The following TENM1 variants were observed in gnomAD, a reference collection of about 807,000 sequenced individuals.
The protein encoded by TENM1 is teneurin transmembrane protein 1.
A neutral mutation model predicts 174.8 loss-of-function variants in TENM1; 35 were observed. The ratio of observed to expected loss-of-function variants is 0.20; its 90% CI spans 0.15 to 0.27. The LOEUF (loss-of-function observed/expected upper bound fraction) is 0.27. Ranked by LOEUF, TENM1 falls within the 10% of genes least tolerant of loss-of-function variation. The pLI, the probability that TENM1 is intolerant of heterozygous loss-of-function variation, is 1.00. For missense variants in TENM1, 1,633 were observed against 2,130.1 expected, an observed-to-expected ratio of 0.77 and a Z score of 4.59; for synonymous variants, 781 against 798.7, an observed-to-expected ratio of 0.98 and a Z score of 0.37.
chrX:124,713,270 A>G (rs770674414), intron 4 of TENM1, among the ~76,000 whole-genome samples: 2 of 110,667 alleles, frequency 1.8e-5, no homozygotes, highest in Non-Finnish European at 3.8e-5. Flanking sequence ...TTGCAAAAAA[A>G]ATTTTTTTTT....
rs377109395 is a variant in TENM1, at chrX:124,497,000, A to G, written c.3695+16T>C. 517 of 1,204,400 alleles carry G rather than the reference A, an allele frequency of 4.3e-4. No individual in the cohort carries two copies. Among genetic ancestry groups the G allele is most frequent in the Non-Finnish European group, 5.5e-4 (494 of 890,703 alleles). On this transcript the variant is annotated intron_variant, in intron 20 of 31. Coordinates refer to ENST00000422452, the Ensembl canonical transcript of TENM1. ...TTATCTGCTAAGCAAATATATAGAG[A>G]TTAGAGAAGACTTACCTTAATTCCA...
chrX:124,966,203 A>C (rs537586219), upstream of TENM1, among the ~76,000 whole-genome samples: 1 of 111,371 alleles, frequency 9.0e-6, no homozygotes, highest in Admixed American at 9.5e-5. Flanking sequence ...TTTCCTTCTT[A>C]CATTACTGCC....
Position 124,403,534 on chromosome X carries a change from G to GA in TENM1, c.5391+1496dup, listed in dbSNP as rs779561191. 2.1e-3 allele frequency among the ~76,000 whole-genome samples: 188 copies of GA among 88,796 alleles called. 1 individual carries two copies. Among genetic ancestry groups the GA allele is most frequent in the Non-Finnish European group, 2.6e-3 (111 of 43,442 alleles). The allele number at this position is 88,796 out of a possible 115,157, so 77.1% of individuals were successfully genotyped here. ...GACTCTTGTCTCAAAAAAAAAAAAA[G>GA]AAAAAAAAAAGAAAAGTGAGCACTG... On this transcript the variant is annotated intron_variant, in intron 27 of 31. Transcript: ENST00000422452.
chrX:124,382,662 T>TTACTAACC lies in TENM1; in HGVS notation c.7440_7440+7dup. On this transcript the variant is annotated splice_region_variant and intron_variant, in intron 31 of 31. Transcript: ENST00000422452. ...CAGCTAAAAGGAGGTGATAAAACTT[T>TTACTAACC]TACTAACCTTTCCAGGATCCCACTC... 8.3e-7 allele frequency: 1 copy of TTACTAACC among 1,203,108 alleles called. No individual in the cohort carries two copies. The highest frequency in any genetic ancestry group is 1.1e-6 in the Non-Finnish European group (1 of 892,055).
At chrX:124,827,101 A>G (rs949545705) in intron 3 of TENM1, among the ~76,000 whole-genome samples, 1 of 111,523 alleles carries the variant, frequency 9.0e-6, no homozygotes, top group African/African-American at 3.3e-5. Flanking sequence ...CCCAGGCTGG[A>G]GTGCAGTGGC....
intron 11 of TENM1, among the ~76,000 whole-genome samples, chrX:124,589,006 G>T (rs919464000): frequency 9.1e-6 from 1 of 110,276 alleles, no homozygotes; most frequent in Non-Finnish European, 1.9e-5. Flanking sequence ...TCCAGTTTTT[G>T]CCTGTTCAGT....
intron 3 of TENM1, among the ~76,000 whole-genome samples, chrX:124,784,970 T>C (rs1211896333): frequency 3.6e-5 from 4 of 111,747 alleles, no homozygotes; most frequent in Non-Finnish European, 7.5e-5. Flanking sequence ...TTCTGTTATA[T>C]ACCATCAAAA....
intron 14 of TENM1, among the ~76,000 whole-genome samples, chrX:124,549,474 G>A (rs907383435): frequency 1.8e-5 from 2 of 110,908 alleles, no homozygotes; most frequent in East Asian, 2.8e-4. Context: ...ACAAAATTCC[G>A]ACTTATTTTT....
chrX:124,419,460 T>C (rs2060626789), intron 25 of TENM1, among the ~76,000 whole-genome samples: 1 of 111,945 alleles, frequency 8.9e-6, no homozygotes, highest in Admixed American at 9.4e-5. Context: ...ATTCCTTTTG[T>C]GGGGAAAATG....
intron 1 of TENM1, among the ~76,000 whole-genome samples, chrX:124,941,184 A>G (rs766465895): frequency 9.0e-6 from 1 of 111,717 alleles, no homozygotes; most frequent in Admixed American, 9.5e-5. Flanking sequence ...CAACCCACTG[A>G]AATCTTTCTT....
At chrX:124,592,041 T>C (rs1299365278) in intron 11 of TENM1, among the ~76,000 whole-genome samples, 1 of 112,324 alleles carries the variant, frequency 8.9e-6, no homozygotes, top group Admixed American at 9.5e-5. Flanking sequence ...GTATTTGAAT[T>C]TCAACTGTAT....
rs1168878836 is a variant in TENM1 at position 124,499,342 on chromosome X, T to C, written c.3446-2077A>G. On this transcript the variant is annotated intron_variant, in intron 19 of 31. Coordinates refer to ENST00000422452, the Ensembl canonical transcript of TENM1. ...GGTAAAACATGCTATAATACCATGGTGGAATATATGGTTGGAAAGGGCCTT... is the reference window on the plus strand; with the variant it reads ...GGTAAAACATGCTATAATACCATGGCGGAATATATGGTTGGAAAGGGCCTT... 2.3e-4 allele frequency among the ~76,000 whole-genome samples: 26 copies of C among 111,129 alleles called. No homozygotes were observed. In the Admixed American group the frequency reaches 2.5e-3, roughly 11 times the overall value.
chrX:124,437,385 C>G (rs1307945303), intron 23 of TENM1, among the ~76,000 whole-genome samples: 1 of 110,827 alleles, frequency 9.0e-6, no homozygotes, highest in Non-Finnish European at 1.9e-5. Context: ...ACTATTTTGG[C>G]CCCAGAGACT....
intron 11 of TENM1, among the ~76,000 whole-genome samples, chrX:124,631,888 CAAAAAAAAAA>C (rs1207149583): frequency 3.4e-5 from 1 of 29,694 alleles, no homozygotes; most frequent in African/African-American, 1.2e-4. Context: ...GACTCTGTCT[CAAAAAAAAAA>C]AAAAAAAAAA....
At chrX:125,019,893 G>C in the TENM1 span, among the ~76,000 whole-genome samples, 5 of 111,377 alleles carry the variant, frequency 4.5e-5, no homozygotes, top group African/African-American at 1.6e-4. Flanking sequence ...TAAGTCCATG[G>C]CATAATTGTC....
At chrX:124,638,971 AG>A (rs200994323) in intron 11 of TENM1, among the ~76,000 whole-genome samples, 3,340 of 111,294 alleles carry the variant, frequency 0.03, 39 homozygotes, top group Non-Finnish European at 0.042. Context: ...GCTTCAATTC[AG>A]GCCCTTCTCA....
intron 1 of TENM1, among the ~76,000 whole-genome samples, chrX:124,899,280 C>A (rs1416095832): frequency 9.0e-6 from 1 of 111,684 alleles, no homozygotes; most frequent in Non-Finnish European, 1.9e-5. Flanking sequence ...GCAGCCCTGA[C>A]TTCTGGGCTC....
chrX:125,020,320 C>T, the TENM1 span, among the ~76,000 whole-genome samples: 19 of 111,239 alleles, frequency 1.7e-4, no homozygotes, highest in African/African-American at 6.2e-4. Flanking sequence ...TTCAAAAGTA[C>T]TTGGCATGTA....
At chrX:125,127,200 A>G in the TENM1 span, among the ~76,000 whole-genome samples, 1 of 111,613 alleles carries the variant, frequency 9.0e-6, no homozygotes, top group African/African-American at 3.3e-5. Flanking sequence ...CTTCAATATA[A>G]GCAGGAAAAT....
Sources: allele counts gnomAD v4.1 joint callset (sites outside exome capture counted in the v4.1 genomes callset), GRCh38; gene constraint gnomAD v4.1.1; transcripts MANE v1.5; gene names NCBI Gene and HGNC (gene_info 2026-07-23, HGNC 2026-07-21).